Variants in DLG2 observed in about 807,000 individuals in gnomAD.
DLG2 encodes disks large homolog 2.
Under a neutral mutation model 132.5 loss-of-function variants are expected in DLG2, and 45 were observed. The observed-to-expected ratio is 0.34, with a 90% confidence interval of 0.27 to 0.44. The LOEUF (loss-of-function observed/expected upper bound fraction) is 0.44, where lower values mean the gene tolerates loss of function less well. Ranked by LOEUF, DLG2 falls within the 20% of genes least tolerant of loss-of-function variation. DLG2 has a pLI of 1.00. For missense variants in DLG2, 1,045 were observed against 1,196.9 expected (o/e 0.87, Z 1.87); for synonymous variants, 424 against 419.6 (o/e 1.01, Z -0.13).
intron 3 of DLG2, among the ~76,000 whole-genome samples, chr11:85,405,625 A>T (rs1597024215): frequency 6.6e-6 from 1 of 151,982 alleles, no homozygotes; most frequent in Non-Finnish European, 1.5e-5. Flanking sequence ...GTGAATTAGG[A>T]ATTATTATTA....
At chr11:85,210,891 T>C (rs749563589) in intron 4 of DLG2, among the ~76,000 whole-genome samples, 4 of 152,084 alleles carry the variant, frequency 2.6e-5, no homozygotes, top group Non-Finnish European at 4.4e-5. Flanking sequence ...ACCTGCATAA[T>C]AGCCTGAAGG....
intron 7 of DLG2, among the ~76,000 whole-genome samples, chr11:84,314,445 A>G (rs2098333865): frequency 6.6e-6 from 1 of 152,176 alleles, no homozygotes; most frequent in Non-Finnish European, 1.5e-5. Flanking sequence ...TTGTGATAAT[A>G]TACGTAAGTG....
At chr11:84,383,287 G>A (rs1192560611) in intron 7 of DLG2, among the ~76,000 whole-genome samples, 1 of 151,526 alleles carries the variant, frequency 6.6e-6, no homozygotes, top group Non-Finnish European at 1.5e-5. Context: ...TATATGGTTA[G>A]GTTTTCTTCA....
chr11:84,632,945 C>T (rs2099634549), intron 6 of DLG2, among the ~76,000 whole-genome samples: 1 of 152,162 alleles, frequency 6.6e-6, no homozygotes, highest in Non-Finnish European at 1.5e-5. Flanking sequence ...CTTCATAAGT[C>T]AGTAGCTATG....
intron 19 of DLG2, among the ~76,000 whole-genome samples, chr11:83,586,878 T>C (rs1230318215): frequency 6.6e-6 from 1 of 152,188 alleles, no homozygotes; most frequent in Non-Finnish European, 1.5e-5. Context: ...ACAGCAGGTA[T>C]TGTTATCATG....
chr11:85,209,638 C>T (rs1472061065), intron 4 of DLG2, among the ~76,000 whole-genome samples: 1 of 132,532 alleles, frequency 7.5e-6, no homozygotes, highest in Non-Finnish European at 1.6e-5. Context: ...CAGGGTTTCA[C>T]CATGTTGGCT....
At chr11:85,591,838 C>T (rs1037566807) in intron 3 of DLG2, among the ~76,000 whole-genome samples, 4 of 152,152 alleles carry the variant, frequency 2.6e-5, no homozygotes, top group Non-Finnish European at 4.4e-5. Flanking sequence ...AAACTCTTGA[C>T]GAAATTTTGT....
chr11:84,399,936 A>G (rs961807497), intron 7 of DLG2, among the ~76,000 whole-genome samples: 1 of 152,222 alleles, frequency 6.6e-6, no homozygotes, highest in African/African-American at 2.4e-5. Flanking sequence ...GTTTGTCAAT[A>G]TATCGACTGC....
intron 19 of DLG2, among the ~76,000 whole-genome samples, chr11:83,570,281 C>T (rs969411588): frequency 4.6e-5 from 7 of 152,124 alleles, no homozygotes; most frequent in African/African-American, 1.2e-4. Context: ...TGTGTATTAA[C>T]GTACAGAATA....
chr11:84,048,446 C>T (rs1360867571), intron 11 of DLG2, among the ~76,000 whole-genome samples: 3 of 151,582 alleles, frequency 2.0e-5, no homozygotes, highest in South Asian at 2.1e-4. Flanking sequence ...ATTTGCTATT[C>T]GTGCTTATTG....
chr11:84,851,965 A>T (rs1266317440), intron 6 of DLG2, among the ~76,000 whole-genome samples: 1 of 152,022 alleles, frequency 6.6e-6, no homozygotes, highest in African/African-American at 2.4e-5. Flanking sequence ...GTAAATGAAC[A>T]TGTCAAAAAT....
At chr11:85,402,141 G>C (rs1300933150) in intron 3 of DLG2, among the ~76,000 whole-genome samples, 3 of 151,926 alleles carry the variant, frequency 2.0e-5, no homozygotes, top group African/African-American at 4.8e-5. Context: ...TACCAAAACA[G>C]AGATATAGAC....
chr11:83,589,492 A>G (rs1242011331), intron 19 of DLG2, among the ~76,000 whole-genome samples: 255 of 152,248 alleles, frequency 1.7e-3, no homozygotes, highest in African/African-American at 5.9e-3. Context: ...TGAAGGAAGC[A>G]CTAAACATGG....
At chr11:83,579,402 T>C (rs2096932321) in intron 19 of DLG2, among the ~76,000 whole-genome samples, 1 of 152,236 alleles carries the variant, frequency 6.6e-6, no homozygotes, top group African/African-American at 2.4e-5. Context: ...TACGTAGCTA[T>C]GGCAATTTTG....
chr11:83,679,433 T>C (rs2078353600), intron 18 of DLG2, among the ~76,000 whole-genome samples: 1 of 152,210 alleles, frequency 6.6e-6, no homozygotes, highest in African/African-American at 2.4e-5. Flanking sequence ...CCATGTTCTC[T>C]ATTTGAAATA....
intron 6 of DLG2, among the ~76,000 whole-genome samples, chr11:84,669,880 A>G (rs2099703852): frequency 6.6e-6 from 1 of 152,132 alleles, no homozygotes; most frequent in Non-Finnish European, 1.5e-5. Context: ...AACCCTGGGA[A>G]CTCGAAGAAA....
At chr11:85,494,570 G>A (rs921366998) in intron 3 of DLG2, among the ~76,000 whole-genome samples, 4 of 151,688 alleles carry the variant, frequency 2.6e-5, no homozygotes, top group African/African-American at 9.7e-5. Flanking sequence ...ACAGTCTCCT[G>A]GATTATGCTG....
intron 18 of DLG2, among the ~76,000 whole-genome samples, chr11:83,690,197 C>G (rs1044183416): frequency 1.3e-5 from 2 of 150,552 alleles, no homozygotes; most frequent in Non-Finnish European, 3.0e-5. Flanking sequence ...CACTGGGGTG[C>G]GTATAATCAC....
intron 6 of DLG2, among the ~76,000 whole-genome samples, chr11:84,811,751 T>A (rs773873029): frequency 6.6e-6 from 1 of 152,216 alleles, no homozygotes; most frequent in Non-Finnish European, 1.5e-5. Flanking sequence ...ATGCCTACTC[T>A]GTGATAGAAA....
Sources: allele counts gnomAD v4.1 joint callset (sites outside exome capture counted in the v4.1 genomes callset), GRCh38; gene constraint gnomAD v4.1.1; transcripts MANE v1.5; gene names NCBI Gene and HGNC (gene_info 2026-07-23, HGNC 2026-07-21).